Variants in HTR2C observed in about 807,000 individuals in gnomAD.
HTR2C encodes the protein 5-hydroxytryptamine receptor 2C, also known as 5-hydroxytryptamine (serotonin) receptor 2C, G protein-coupled.
A neutral mutation model predicts 21.0 loss-of-function variants in HTR2C; 5 were observed. The ratio of observed to expected loss-of-function variants is 0.24; its 90% CI spans 0.12 to 0.50. The LOEUF (loss-of-function observed/expected upper bound fraction) is 0.50, where lower values mean the gene tolerates loss of function less well. HTR2C is among the 20% of genes least tolerant of loss of function. The probability of loss-of-function intolerance (pLI) is 0.98; values close to 1 mark genes in which losing one functional copy is unlikely to be tolerated. For missense variants in HTR2C, 271 were observed against 371.2 expected (o/e 0.73, Z 2.22); for synonymous variants, 150 against 145.3 (o/e 1.03, Z -0.23).
chrX:114,638,521 T>TTATTA (rs1929948161), intron 2 of HTR2C, among the ~76,000 whole-genome samples: 1 of 109,779 alleles, frequency 9.1e-6, no homozygotes, highest in African/African-American at 3.3e-5. Context: ...ATTTATTTAT[T>TTATTA]ATTTTTTTCT....
intron 4 of HTR2C, among the ~76,000 whole-genome samples, chrX:114,807,825 A>C (rs1035786102): frequency 4.6e-5 from 5 of 109,621 alleles, no homozygotes; most frequent in Non-Finnish European, 9.5e-5. Flanking sequence ...GGCGCATACC[A>C]CCACGCCCAG....
At chrX:114,900,335 A>G in intron 5 of HTR2C, 1 of 221,357 alleles carries the variant, frequency 4.5e-6, no homozygotes, top group Non-Finnish European at 8.6e-6. Flanking sequence ...GGTGGCAGGT[A>G]TTAGGGATAA....
intron 4 of HTR2C, among the ~76,000 whole-genome samples, chrX:114,846,374 T>C (rs1261456798): frequency 1.8e-5 from 2 of 111,806 alleles, no homozygotes; most frequent in African/African-American, 6.5e-5. Context: ...TACAAGAAAA[T>C]TATAGATTAG....
intron 4 of HTR2C, among the ~76,000 whole-genome samples, chrX:114,823,149 G>C (rs2070649415): frequency 9.0e-6 from 1 of 111,710 alleles, no homozygotes; most frequent in Non-Finnish European, 1.9e-5. Context: ...GTGGAGCTGG[G>C]CAGTGTTTGT....
intron 3 of HTR2C, among the ~76,000 whole-genome samples, chrX:114,728,824 C>T (rs1244759246): frequency 9.0e-6 from 1 of 111,469 alleles, no homozygotes. Context: ...ATAATTTGTC[C>T]TGTACCCCTC....
intron 4 of HTR2C, among the ~76,000 whole-genome samples, chrX:114,759,124 G>C (rs1556431449): frequency 1.8e-5 from 2 of 111,886 alleles, no homozygotes; most frequent in Non-Finnish European, 3.8e-5. Flanking sequence ...TCAGCTCACA[G>C]CTTCCTCATG....
intron 4 of HTR2C, among the ~76,000 whole-genome samples, chrX:114,787,898 G>T (rs1274329179): frequency 9.8e-6 from 1 of 101,548 alleles, no homozygotes; most frequent in African/African-American, 3.7e-5. Context: ...AGTGGGCCAA[G>T]ATGGTGCCAC....
intron 4 of HTR2C, among the ~76,000 whole-genome samples, chrX:114,813,126 C>A (rs929024443): frequency 5.4e-5 from 6 of 112,025 alleles, no homozygotes; most frequent in South Asian, 3.7e-4. Flanking sequence ...TCCTTATATA[C>A]AACCAAAATA....
intron 4 of HTR2C, among the ~76,000 whole-genome samples, chrX:114,795,909 A>G (rs1185238279): frequency 9.0e-6 from 1 of 111,698 alleles, no homozygotes; most frequent in Non-Finnish European, 1.9e-5. Flanking sequence ...GATTTTTCTC[A>G]TATTTGTTGT....
At chrX:114,769,749 A>G (rs1048703069) in intron 4 of HTR2C, among the ~76,000 whole-genome samples, 1 of 111,294 alleles carries the variant, frequency 9.0e-6, no homozygotes, top group South Asian at 3.7e-4. Context: ...ATTTTTATAC[A>G]TTATAATGCA....
intron 2 of HTR2C, among the ~76,000 whole-genome samples, chrX:114,695,563 T>C (rs1248458351): frequency 1.8e-5 from 2 of 112,467 alleles, no homozygotes; most frequent in Non-Finnish European, 3.8e-5. Flanking sequence ...TATTTAAACA[T>C]ATTGTATTAT....
intron 5 of HTR2C, among the ~76,000 whole-genome samples, chrX:114,905,736 T>G (rs782695077): frequency 8.9e-6 from 1 of 112,037 alleles, no homozygotes; most frequent in Non-Finnish European, 1.9e-5. Flanking sequence ...GAAGACCTAC[T>G]GTGGTTATTT....
chrX:114,651,145 TAA>T (rs1445225438), intron 2 of HTR2C, among the ~76,000 whole-genome samples: 21 of 112,184 alleles, frequency 1.9e-4, no homozygotes, highest in Non-Finnish European at 2.4e-4. Flanking sequence ...CAGATAGTTA[TAA>T]GTTATTATTT....
intron 1 of HTR2C, among the ~76,000 whole-genome samples, chrX:114,585,569 C>T (rs1256196016): frequency 3.6e-5 from 4 of 111,116 alleles, no homozygotes; most frequent in African/African-American, 6.6e-5. Context: ...CATTGCAAAA[C>T]GTGTCTGTGT....
intron 5 of HTR2C, among the ~76,000 whole-genome samples, chrX:114,888,499 G>A (rs1197368170): frequency 1.8e-5 from 2 of 112,045 alleles, no homozygotes; most frequent in African/African-American, 3.2e-5. Flanking sequence ...GATGAAAAAT[G>A]CTGATGCTGT....
chrX:114,633,887 A>G (rs1929731161), intron 2 of HTR2C, among the ~76,000 whole-genome samples: 2 of 107,102 alleles, frequency 1.9e-5, no homozygotes, highest in African/African-American at 6.8e-5. Context: ...GTGATCTTAC[A>G]TTTTGGAGAG....
chrX:114,753,577 G>C (rs2069782613), intron 4 of HTR2C, among the ~76,000 whole-genome samples: 2 of 111,275 alleles, frequency 1.8e-5, no homozygotes, highest in African/African-American at 6.5e-5. Flanking sequence ...GAATTAATGA[G>C]TTCAACAAAG....
At chrX:114,626,228 A>T (rs1413529862) in intron 2 of HTR2C, among the ~76,000 whole-genome samples, 1 of 103,858 alleles carries the variant, frequency 9.6e-6, no homozygotes, top group African/African-American at 3.6e-5. Flanking sequence ...AAAAAAAAAA[A>T]ATAATAAAAA....
chrX:114,775,512 G>A lies in HTR2C; in HGVS notation c.349+43905G>A, dbSNP rs1255323634. 4 of 496,851 alleles carry A rather than the reference G, an allele frequency of 8.1e-6. No homozygotes were observed. In the African/African-American group the frequency reaches 9.3e-5, roughly 12 times the overall value. 40.9% of individuals were successfully genotyped at this position (496,851 alleles called of 1,213,427 possible). On this transcript the variant is annotated intron_variant, in intron 4 of 5. Transcript: ENST00000276198. ...TCAGAAGGTCTCTGTCTGCTTGGTA[G>A]GAATGGTAGTACTATGCTTGATGAG...
Sources: allele counts gnomAD v4.1 joint callset (sites outside exome capture counted in the v4.1 genomes callset), GRCh38; gene constraint gnomAD v4.1.1; transcripts MANE v1.5; gene names NCBI Gene and HGNC (gene_info 2026-07-23, HGNC 2026-07-21).